Variants in ABR observed in about 807,000 individuals in gnomAD.
ABR encodes ABR activator of RhoGEF and GTPase.
A neutral mutation model predicts 107.2 loss-of-function variants in ABR; 35 were observed. The observed-to-expected ratio is 0.33, with a 90% CI of 0.25 to 0.43. The LOEUF is 0.43. ABR is among the 20% of genes least tolerant of loss of function. The pLI, the probability that ABR is intolerant of heterozygous loss-of-function variation, is 1.00. For missense variants in ABR, 815 were observed against 1,115.2 expected, an observed-to-expected ratio of 0.73 and a Z score of 3.83; for synonymous variants, 498 against 462.0, an observed-to-expected ratio of 1.08 and a Z score of -1.00.
intron 10 of ABR, among the ~76,000 whole-genome samples, chr17:1,060,418 AG>A (rs1448264232): frequency 1.3e-5 from 2 of 152,122 alleles, no homozygotes; most frequent in East Asian, 3.9e-4. Context: ...TCAAAAAGAA[AG>A]AAAAAGAATC....
At chr17:1,147,444 T>G (rs1344011449) in intron 1 of ABR, among the ~76,000 whole-genome samples, 1 of 151,298 alleles carries the variant, frequency 6.6e-6, no homozygotes, top group African/African-American at 2.4e-5. Context: ...CACTGCAACC[T>G]CTGCCTCCTG....
chr17:1,056,099 A>G lies in ABR; in HGVS notation c.1497T>C (p.Ser499=). ...CATGAAGGAAGCCATAGAGTCCTGG[A>G]GACTCATCGTCTGCAAGAGAGAAAA... The part of the protein sequence containing the change: ...PVTSNKDDDE[S]PGLYGFLHVI... Residue 499 remains serine (S), a synonymous_variant, in exon 14 of 23, where the codon TCT becomes TCC. Coordinates refer to ENST00000302538, the MANE Select transcript of ABR (RefSeq NM_021962.5). 6.2e-7 allele frequency: 1 copy of G among 1,614,150 alleles called. No homozygotes were observed.
At chr17:1,082,920 T>C (rs1194947207) in intron 5 of ABR, among the ~76,000 whole-genome samples, 9 of 152,012 alleles carry the variant, frequency 5.9e-5, no homozygotes, top group Non-Finnish European at 1.3e-4. Context: ...TCACCCGAGT[T>C]CGAGACCAGC....
At chr17:1,007,974 G>T (rs2070193804) in intron 21 of ABR, among the ~76,000 whole-genome samples, 2 of 152,230 alleles carry the variant, frequency 1.3e-5, no homozygotes, top group Non-Finnish European at 2.9e-5. Context: ...GATGAGCCCG[G>T]GGACTGTCCC....
chr17:1,021,740 G>C (rs527485755), intron 16 of ABR, among the ~76,000 whole-genome samples: 29 of 151,878 alleles, frequency 1.9e-4, no homozygotes, highest in Admixed American at 2.0e-4. Flanking sequence ...GGAGGCGGAG[G>C]TTGCAGTGAG....
intron 1 of ABR, among the ~76,000 whole-genome samples, chr17:1,133,740 T>C (rs926622970): frequency 3.3e-5 from 5 of 152,150 alleles, no homozygotes; most frequent in African/African-American, 1.2e-4. Context: ...TCTTCCTTGC[T>C]TACTCTACCC....
At chr17:1,100,042 C>T (rs1340752341) in intron 3 of ABR, among the ~76,000 whole-genome samples, 2 of 151,018 alleles carry the variant, frequency 1.3e-5, no homozygotes, top group Non-Finnish European at 2.9e-5. Context: ...AGGAGAATCA[C>T]TTGAACCCGG....
intron 2 of ABR, among the ~76,000 whole-genome samples, chr17:1,105,776 G>A (rs1269573936): frequency 3.9e-5 from 6 of 152,102 alleles, no homozygotes; most frequent in Non-Finnish European, 8.8e-5. Context: ...TGAGGTGGGA[G>A]GACTGATTGA....
chr17:1,014,335 G>A (rs2070947149), intron 16 of ABR, among the ~76,000 whole-genome samples: 1 of 132,200 alleles, frequency 7.6e-6, no homozygotes, highest in African/African-American at 2.9e-5. Flanking sequence ...CAGCTACTTG[G>A]GAGGCTGAGG....
At chr17:1,061,226 G>A (rs1233377648) in intron 10 of ABR, among the ~76,000 whole-genome samples, 7 of 151,946 alleles carry the variant, frequency 4.6e-5, no homozygotes, top group South Asian at 2.1e-4. Context: ...ACAAGGCCAC[G>A]TCTGCACAGC....
intron 16 of ABR, among the ~76,000 whole-genome samples, chr17:1,036,660 G>C (rs1280806702): frequency 6.6e-6 from 1 of 152,102 alleles, no homozygotes; most frequent in Non-Finnish European, 1.5e-5. Flanking sequence ...CAGGGCGTGC[G>C]AGTTGGGCGG....
chr17:1,047,752 C>G lies in ABR; in HGVS notation c.1791+2298G>C, dbSNP rs181995878. Among the ~76,000 whole-genome samples, 633 of 152,356 alleles carry G rather than the reference C, an allele frequency of 4.2e-3. 6 individuals carry two copies. The highest frequency in any genetic ancestry group is 0.014 in the African/African-American group (594 of 41,586). ...AACATAACCTGGCTTCCTCCCTCCC[C>G]CACTGCCTCCATCTGCTCCTGTCTC... is the stretch of plus-strand genomic sequence containing the variant. On this transcript the variant is annotated intron_variant, in intron 16 of 22. Coordinates refer to ENST00000302538, the MANE Select transcript of ABR (RefSeq NM_021962.5).
chr17:1,032,579 C>CCTTGAG (rs1567616413), intron 16 of ABR, among the ~76,000 whole-genome samples: 4 of 131,482 alleles, frequency 3.0e-5, no homozygotes, highest in East Asian at 2.3e-4. Context: ...GTGCTGGGCG[C>CCTTGAG]AGAGGACGCC....
At chr17:1,209,044 G>C (rs1205746350) in intron 1 of ABR, among the ~76,000 whole-genome samples, 1 of 152,064 alleles carries the variant, frequency 6.6e-6, no homozygotes, top group Non-Finnish European at 1.5e-5. Context: ...GCAGAATTTT[G>C]AACTCTTTCC....
chr17:1,074,206 G>A (rs543814996), intron 6 of ABR, among the ~76,000 whole-genome samples: 6 of 144,006 alleles, frequency 4.2e-5, no homozygotes, highest in African/African-American at 1.1e-4. Context: ...CCTGCCACAC[G>A]CAGGACCCCA....
chr17:1,056,255 C>T, intron 13 of ABR, 146 bp from the exon 14 acceptor site: 2 of 715,604 alleles, frequency 2.8e-6, no homozygotes, highest in Non-Finnish European at 4.8e-6. Flanking sequence ...GAAAAAGTTT[C>T]CGAAGGCCAC....
rs537875006 is a variant in ABR at position 1,073,608 on chromosome 17, G to C, written c.753+17C>G. The C allele has an allele frequency of 3.8e-5, 60 of 1,559,166 alleles. No homozygotes were observed. Among genetic ancestry groups the C allele is most frequent in the Non-Finnish European group, 4.9e-5 (56 of 1,145,224 alleles). On this transcript the variant is annotated intron_variant, in intron 7 of 22. Transcript: ENST00000302538. The stretch of plus-strand genomic sequence containing the variant: ...ACTCCTAAGCCCTCTCTGGCCATTC[G>C]GAGGCTTGACACTCACGTGTAGGAC...
At chr17:1,055,672 C>T in intron 14 of ABR, 1 of 187,178 alleles carries the variant, frequency 5.3e-6, no homozygotes, top group Non-Finnish European at 1.1e-5. Flanking sequence ...GGACTACAGG[C>T]GTCCACCGCC....
chr17:1,060,579 T>C (rs2257846), intron 10 of ABR, among the ~76,000 whole-genome samples: 137,510 of 152,218 alleles, frequency 0.9, 62,189 homozygotes, highest in East Asian at 0.97. Flanking sequence ...CTGTCAGCAG[T>C]GGGAGGTGAG....
Sources: gnomAD v4.1 joint callset for allele counts (sites outside exome capture counted in the v4.1 genomes callset) on GRCh38, gnomAD v4.1.1 for gene constraint, MANE v1.5 for transcripts, NCBI Gene and HGNC (gene_info 2026-07-23, HGNC 2026-07-21) for gene names.